The following DNAH12 variants were observed in gnomAD, a reference collection of about 807,000 sequenced individuals.
The protein encoded by DNAH12 is axonemal beta dynein heavy chain 12.
DNAH12 carries 285 observed loss-of-function variants against 371.5 expected under a neutral mutation model. The ratio of observed to expected loss-of-function variants is 0.77; its 90% CI spans 0.70 to 0.85. The LOEUF is 0.85. DNAH12 is among the 40% of genes least tolerant of loss of function. The pLI is 0.00. For synonymous variants in DNAH12, 1,200 were observed against 1,213.0 expected (o/e 0.99, Z 0.22); for missense variants, 3,611 against 3,689.4 (o/e 0.98, Z 0.55).
chr3:57,553,884 G>A, the DNAH12 span, among the ~76,000 whole-genome samples: 6 of 150,560 alleles, frequency 4.0e-5, no homozygotes, highest in Non-Finnish European at 8.9e-5. Flanking sequence ...GAGGGCAGTG[G>A]CGCGATCTCG....
At chr3:57,479,420 G>A (rs1451502627) in intron 13 of DNAH12, among the ~76,000 whole-genome samples, 2 of 152,122 alleles carry the variant, frequency 1.3e-5, no homozygotes, top group Non-Finnish European at 1.5e-5. Context: ...GATTCACAAA[G>A]CAAGTCCTTA....
Position 57,333,329 on chromosome 3 carries a change from C to CTTTTTTTTTTT in DNAH12, c.9978+1125_9978+1135dup, listed in dbSNP as rs34135477. ...CGGATACATGTTCTTTTTAAGGCAACTTTTTTTTTTTTTTTTTTTTAGATG... is the reference window on the plus strand; with the variant it reads ...CGGATACATGTTCTTTTTAAGGCAACTTTTTTTTTTTTTTTTTTTTTTTTTTTTTTTAGATG... On this transcript the variant is annotated intron_variant, in intron 62 of 73. Coordinates refer to ENST00000495027, the MANE Select transcript of DNAH12 (RefSeq NM_001366028.2). Among the ~76,000 whole-genome samples the CTTTTTTTTTTT allele has an allele frequency of 4.3e-4, 48 of 111,070 alleles. 3 individuals are homozygous for CTTTTTTTTTTT. Among genetic ancestry groups the CTTTTTTTTTTT allele is most frequent in the African/African-American group, 2.1e-3 (46 of 21,904 alleles). The allele number at this position is 111,070 out of a possible 152,430, so 72.9% of individuals were successfully genotyped here.
intron 51 of DNAH12, 130 bp downstream of exon 51, chr3:57,380,148 A>G (rs1462479065): frequency 6.6e-6 from 1 of 152,082 alleles, no homozygotes; most frequent in African/African-American, 2.4e-5. Context: ...TAAAGGTAAT[A>G]TCTCTTTATT....
At chr3:57,432,164 A>G (rs147422667) in intron 32 of DNAH12, among the ~76,000 whole-genome samples, 243 of 119,528 alleles carry the variant, frequency 2.0e-3, no homozygotes, top group Non-Finnish European at 2.6e-3. Context: ...GTACTTCAGT[A>G]TATCTTTTTT....
chr3:57,417,907 T>C (rs1037903238), intron 37 of DNAH12, among the ~76,000 whole-genome samples: 6 of 152,054 alleles, frequency 3.9e-5, no homozygotes, highest in African/African-American at 1.4e-4. Context: ...TCCCAGCACT[T>C]TGGGAGGCCA....
chr3:57,400,848 C>G (rs2063841790), intron 43 of DNAH12, among the ~76,000 whole-genome samples: 1 of 152,168 alleles, frequency 6.6e-6, no homozygotes, highest in Non-Finnish European at 1.5e-5. Flanking sequence ...AGGACTTGAA[C>G]ATTGTAGACC....
chr3:57,434,825 G>C (rs534291112), intron 30 of DNAH12, among the ~76,000 whole-genome samples: 18 of 149,518 alleles, frequency 1.2e-4, no homozygotes, highest in East Asian at 7.8e-4. Context: ...ATAATGACAG[G>C]TACTGGTTTC....
intron 43 of DNAH12, among the ~76,000 whole-genome samples, chr3:57,401,724 A>C (rs2063872788): frequency 6.6e-6 from 1 of 152,024 alleles, no homozygotes; most frequent in Non-Finnish European, 1.5e-5. Context: ...GATGAATGAA[A>C]TAGAGAATAG....
Position 57,301,828 on chromosome 3 carries a change from C to A in DNAH12, c.11301G>T (p.Lys3767Asn). Residue 3767 changes from lysine (K) to asparagine (N), a missense_variant, in exon 70 of 74, where the codon AAG becomes AAT. Coordinates refer to ENST00000495027, the MANE Select transcript of DNAH12 (RefSeq NM_001366028.2). ...EALSGSLLVG[K>N]VPEIWAKRSY... ...AACGTTTGGCCCATATTTCTGGAACCTTTCCAACAAGTAAGCTACCGGAGA... is the reference window on the plus strand; with the variant it reads ...AACGTTTGGCCCATATTTCTGGAACATTTCCAACAAGTAAGCTACCGGAGA... 1 of 1,551,592 alleles carries A rather than the reference C, an allele frequency of 6.4e-7. No homozygotes were observed.
rs142718245 is a variant in DNAH12 at position 57,461,891 on chromosome 3, T to C, written c.2536-202A>G. On this transcript the variant is annotated intron_variant, in intron 18 of 73. Coordinates refer to ENST00000495027, the MANE Select transcript of DNAH12 (RefSeq NM_001366028.2). ...TCCTAAGAAGAACGATTATGTAGTT[T>C]TAAAGAATTCACTTGCTATGAAAAC... is the stretch of plus-strand genomic sequence containing the variant. Among the ~76,000 whole-genome samples, 36 of 152,322 alleles carry C rather than the reference T, an allele frequency of 2.4e-4. No individual in the cohort carries two copies. The East Asian group carries it at 5.6e-3, about 24-fold the overall frequency.
intron 58 of DNAH12, among the ~76,000 whole-genome samples, chr3:57,360,413 G>C (rs964647013): frequency 1.3e-5 from 2 of 152,192 alleles, no homozygotes; most frequent in South Asian, 4.1e-4. Context: ...GTCCAGCCAG[G>C]CACAGTGGCT....
At chr3:57,396,290 CAAAAAAAAA>C (rs1159748997) in intron 43 of DNAH12, among the ~76,000 whole-genome samples, 2 of 68,756 alleles carry the variant, frequency 2.9e-5, no homozygotes, top group African/African-American at 6.4e-5. Context: ...AAAAAAAAAA[CAAAAAAAAA>C]AAAAAAAAAA....
chr3:57,413,486 A>G (rs1158042716), intron 39 of DNAH12, among the ~76,000 whole-genome samples: 1 of 152,128 alleles, frequency 6.6e-6, no homozygotes, highest in Non-Finnish European at 1.5e-5. Context: ...TTTGTAACAA[A>G]TGTGCCAATT....
intron 55 of DNAH12, among the ~76,000 whole-genome samples, chr3:57,371,458 G>T (rs1032547155): frequency 2.6e-5 from 4 of 151,808 alleles, no homozygotes. Flanking sequence ...AAAAATCACC[G>T]AATTGTACAA....
chr3:57,352,207 CA>C lies in DNAH12; in HGVS notation c.9551del (p.Leu3184TrpfsTer8). 1 of 1,531,502 alleles carries C rather than the reference CA, an allele frequency of 6.5e-7. No individual in the cohort carries two copies. The allele number at this position is 1,531,502 out of a possible 1,614,324, so 94.9% of individuals were successfully genotyped here. A position where few individuals can be genotyped will look rare whatever the true frequency, so the allele number is the denominator to read the frequency against. On this transcript the variant is annotated frameshift_variant, in exon 60 of 74. Transcript: ENST00000495027. LOFTEE classifies it high-confidence loss of function. Reference sequence around the variant, plus strand: ...CATTTAAATATCGTAGGCGCTTTTCCAAAATCTTGGATTTGTTACTAAAGTT... The same window carrying C: ...CATTTAAATATCGTAGGCGCTTTTCCAAATCTTGGATTTGTTACTAAAGTT... ...SIHDSNKSKI[L>X]EKRLRYLNDH...
rs555557935 is a variant in DNAH12, at chr3:57,308,746, G to C, written c.11189+405C>G. ...TAAATAAATAATCTTTGCTGGCAAG[G>C]CTACGCTGAACCTCCTCAGGCACTC... On this transcript the variant is annotated intron_variant, in intron 69 of 73. Transcript: ENST00000495027. Among the ~76,000 whole-genome samples the C allele has an allele frequency of 2.0e-5, 3 of 152,136 alleles. No homozygotes were observed. The East Asian group carries it at 5.8e-4, about 29-fold the overall frequency.
chr3:57,343,638 G>A (rs547923771), intron 60 of DNAH12, among the ~76,000 whole-genome samples: 1 of 152,124 alleles, frequency 6.6e-6, no homozygotes, highest in Non-Finnish European at 1.5e-5. Flanking sequence ...ACCTGTAAAG[G>A]GTCTGTGCTG....
chr3:57,428,678 G>C lies in DNAH12; in HGVS notation c.5208C>G (p.Ala1736=), dbSNP rs2064859190. 1 of 1,549,386 alleles carries C rather than the reference G, an allele frequency of 6.5e-7. No individual in the cohort carries two copies. Among genetic ancestry groups the C allele is most frequent in the Admixed American group, 2.0e-5 (1 of 50,266 alleles). Residue 1736 remains alanine (A), a synonymous_variant, in exon 34 of 74, where the codon GCC becomes GCG. Transcript: ENST00000495027. The part of the protein sequence containing the change: ...EYQALLRGLF[A]WLIPPSLNQR... ...GGTTTAAAGAGGGTGGTATTAACCA[G>C]GCAAAAAGTCCTCTCAGAAGAGCTT...
chr3:57,371,941 C>CAAAAAAAAAAAAAAAAAAAAAAA lies in DNAH12; in HGVS notation c.8759+3407_8759+3429dup, dbSNP rs1169602185. Among the ~76,000 whole-genome samples the CAAAAAAAAAAAAAAAAAAAAAAA allele has an allele frequency of 3.9e-4, 10 of 25,862 alleles. 1 individual carries two copies. The highest frequency in any genetic ancestry group is 6.7e-4 in the African/African-American group (3 of 4,502). The allele number at this position is 25,862 out of a possible 152,430, so 17.0% of individuals were successfully genotyped here. A position where few individuals can be genotyped will look rare whatever the true frequency, so the allele number is the denominator to read the frequency against. On this transcript the variant is annotated intron_variant, in intron 55 of 73. Coordinates refer to ENST00000495027, the MANE Select transcript of DNAH12 (RefSeq NM_001366028.2). The stretch of plus-strand genomic sequence containing the variant: ...TGTCAACCCAGAATTCTAAACTCAG[C>CAAAAAAAAAAAAAAAAAAAAAAA]AAAAAAAAAAAAAAAAAAAAAAAAT...
Sources: gnomAD v4.1 joint callset for allele counts (sites outside exome capture counted in the v4.1 genomes callset) on GRCh38, gnomAD v4.1.1 for gene constraint, MANE v1.5 for transcripts, NCBI Gene and HGNC (gene_info 2026-07-23, HGNC 2026-07-21) for gene names.